MYO1F: variants seen among roughly 807,000 people sequenced by gnomAD.
MYO1F encodes myosin IF.
A neutral mutation model predicts 146.6 loss-of-function variants in MYO1F; 60 were observed. That is an observed-to-expected ratio of 0.41 (90% CI 0.33 to 0.51). MYO1F has a LOEUF of 0.51. Ranked by LOEUF, MYO1F falls within the 20% of genes least tolerant of loss-of-function variation. MYO1F has a pLI of 0.25. For missense variants in MYO1F, 1,274 were observed against 1,534.3 expected (o/e 0.83, Z 2.83); for synonymous variants, 602 against 602.1 (o/e 1.00, Z 0.00).
chr19:8,564,037 C>T (rs1352024354), intron 1 of MYO1F, among the ~76,000 whole-genome samples: 7 of 152,116 alleles, frequency 4.6e-5, no homozygotes, highest in African/African-American at 1.7e-4. Context: ...TGTCCATTGT[C>T]TGAGGTTAAT....
intron 13 of MYO1F, 100 bp downstream of exon 13, chr19:8,545,550 G>T: frequency 4.1e-6 from 4 of 965,564 alleles, no homozygotes; most frequent in Middle Eastern, 2.8e-4. Flanking sequence ...GTAGAGAAGG[G>T]CCTGAGGATG....
chr19:8,554,803 A>G, intron 2 of MYO1F, 60 bp from the exon 3 acceptor site: 1 of 1,472,240 alleles, frequency 6.8e-7, no homozygotes, highest in Admixed American at 1.7e-5. Context: ...CTGTCCCCTC[A>G]TCCTGCCCCC....
In MYO1F at chr19:8,530,195, C is replaced by T. The variant is rs757598543; in HGVS notation, c.2328+1G>A. 6.2e-7 allele frequency: 1 copy of T among 1,614,062 alleles called. No homozygotes were observed. Among genetic ancestry groups the T allele is most frequent in the Non-Finnish European group, 8.5e-7 (1 of 1,180,004 alleles). ...GCTGTGCCCACCCACTAGTGCCTCA[C>T]CTTGAAGCGGCGGTCGTACTTGGTG... On this transcript the variant is annotated splice_donor_variant, in intron 21 of 27. Coordinates refer to ENST00000644032, the MANE Select transcript of MYO1F (RefSeq NM_012335.4). LOFTEE classifies it high-confidence loss of function. The surrounding 1 kb of genome is among the most constrained non-coding windows in gnomAD (Gnocchi z 5.8).
intron 14 of MYO1F, 131 bp downstream of exon 14, chr19:8,544,166 G>A: frequency 1.0e-6 from 1 of 986,852 alleles, no homozygotes; most frequent in Non-Finnish European, 1.6e-6. Flanking sequence ...GGGGGACAGT[G>A]GAATTCTACA....
At chr19:8,549,911 C>A (rs562045489) in intron 10 of MYO1F, 31 of 582,780 alleles carry the variant, frequency 5.3e-5, no homozygotes, top group Non-Finnish European at 2.5e-5. Context: ...AATGATCCCC[C>A]AACCTCAGCC....
Position 8,553,890 on chromosome 19 carries a change from A to ACTCTCT in MYO1F, c.327-454_327-453insAGAGAG, listed in dbSNP as rs750034709. ...CTGTCACACACACACACACACACAC[A>ACTCTCT]CACACTCTCTCTCTCTCTCTCTCTC... On this transcript the variant is annotated intron_variant, in intron 4 of 27. Transcript: ENST00000644032. Among the ~76,000 whole-genome samples, 351 of 57,874 alleles carry ACTCTCT rather than the reference A, an allele frequency of 6.1e-3. 1 individual carries two copies. Among genetic ancestry groups the ACTCTCT allele is most frequent in the African/African-American group, 0.011 (214 of 19,478 alleles). 38.0% of individuals were successfully genotyped at this position (57,874 alleles called of 152,430 possible).
rs1422035117 is a variant in MYO1F at position 8,521,360 on chromosome 19, G to A, written c.*168C>T. On this transcript the variant is annotated 3_prime_UTR_variant, in exon 28 of 28. Transcript: ENST00000644032. ...CCAGGGCCCAGGGGCGGGGGCTGCA[G>A]CAGTGACCTGGTGACCCAGGGCCTG... 5.7e-6 allele frequency: 4 copies of A among 707,214 alleles called. No homozygotes were observed. Among genetic ancestry groups the A allele is most frequent in the South Asian group, 1.5e-5 (1 of 65,414 alleles). 43.8% of individuals were successfully genotyped at this position (707,214 alleles called of 1,614,324 possible).
Position 8,548,232 on chromosome 19 carries a change from C to T in MYO1F, c.1182+5G>A, listed in dbSNP as rs780824357. On this transcript the variant is annotated splice_donor_5th_base_variant and intron_variant, in intron 11 of 27. Coordinates refer to ENST00000644032, the MANE Select transcript of MYO1F (RefSeq NM_012335.4). ...AGGATGTGGGCTGGAGGCAGGGGGC[C>T]GTACCTGGAAGATCTCGAAGCCGTA... is the stretch of plus-strand genomic sequence containing the variant. 3.2e-5 allele frequency: 52 copies of T among 1,613,676 alleles called. 1 individual carries two copies. The highest frequency in any genetic ancestry group is 3.6e-5 in the Non-Finnish European group (43 of 1,179,950).
intron 1 of MYO1F, among the ~76,000 whole-genome samples, chr19:8,569,818 G>T (rs62119406): frequency 0.25 from 37,457 of 152,058 alleles, 5,273 homozygotes; most frequent in East Asian, 0.59. Flanking sequence ...GGAGGGTCAT[G>T]GTCCTGGAGG....
chr19:8,527,190 G>A, intron 22 of MYO1F, 148 bp downstream of exon 22: 6 of 1,138,370 alleles, frequency 5.3e-6, no homozygotes, highest in South Asian at 1.3e-5. Flanking sequence ...GAGCATAGGG[G>A]GCAGGTGAAC....
At chr19:8,566,521 T>C (rs563011851) in intron 1 of MYO1F, among the ~76,000 whole-genome samples, 1 of 149,738 alleles carries the variant, frequency 6.7e-6, no homozygotes, top group Non-Finnish European at 1.5e-5. Context: ...TTAATTAATT[T>C]ATTTATTTTT....
intron 12 of MYO1F, 40 bp downstream of exon 12, chr19:8,547,996 C>CCCCCCCCCAA: frequency 2.3e-5 from 25 of 1,100,012 alleles, no homozygotes; most frequent in Non-Finnish European, 2.9e-5. Flanking sequence ...ACCCCACCCC[C>CCCCCCCCCAA]ACCCCAGGAT....
chr19:8,553,914 T>TCTCTCTCTCTCTCG lies in MYO1F; in HGVS notation c.327-478_327-477insCGAGAGAGAGAGAG, dbSNP rs1178542513. 2.0e-3 allele frequency among the ~76,000 whole-genome samples: 266 copies of TCTCTCTCTCTCTCG among 135,714 alleles called. 2 individuals are homozygous for TCTCTCTCTCTCTCG. Among genetic ancestry groups the TCTCTCTCTCTCTCG allele is most frequent in the African/African-American group, 6.9e-3 (258 of 37,466 alleles). The allele number at this position is 135,714 out of a possible 152,430, so 89.0% of individuals were successfully genotyped here. A position where few individuals can be genotyped will look rare whatever the true frequency, so the allele number is the denominator to read the frequency against. On this transcript the variant is annotated intron_variant, in intron 4 of 27. Transcript: ENST00000644032. ...CACACACTCTCTCTCTCTCTCTCTC[T>TCTCTCTCTCTCTCG]CTCTCTCTCGCTCTCTTTCTCTCTC...
Position 8,532,940 on chromosome 19 carries a change from ACACACACAC to A in MYO1F, c.2044-2376_2044-2368del, listed in dbSNP as rs1568337767. 8.5e-4 allele frequency among the ~76,000 whole-genome samples: 129 copies of A among 151,002 alleles called. 1 individual carries two copies. Among genetic ancestry groups the A allele is most frequent in the African/African-American group, 3.0e-3 (123 of 41,026 alleles). ...CACACACACACACACACACACACAC[ACACACACAC>A]AATTGGGCTTTATTTAGAAAAATTA... On this transcript the variant is annotated intron_variant, in intron 19 of 27. Transcript: ENST00000644032.
intron 1 of MYO1F, among the ~76,000 whole-genome samples, chr19:8,575,436 G>A (rs558433823): frequency 1.3e-5 from 2 of 151,976 alleles, no homozygotes; most frequent in South Asian, 4.2e-4. Flanking sequence ...GTTCACAACA[G>A]GGTTTGCGAT....
chr19:8,530,369 C>T lies in MYO1F; in HGVS notation c.2159-4G>A, dbSNP rs766714703. ...TTGTTCAGCAGGATGTTGGAAGCTG[C>T]GGGGACAGAGGGTGGAGGGCAGAGC... On this transcript the variant is annotated splice_region_variant and splice_polypyrimidine_tract_variant and intron_variant, in intron 20 of 27. Transcript: ENST00000644032. The surrounding 1 kb of genome is among the most constrained non-coding windows in gnomAD (Gnocchi z 5.8). 3.7e-6 allele frequency: 6 copies of T among 1,613,960 alleles called. No individual in the cohort carries two copies. The highest frequency in any genetic ancestry group is 5.1e-6 in the Non-Finnish European group (6 of 1,180,030).
rs752222082 is a variant in MYO1F at position 8,560,665 on chromosome 19, C to T, written c.4-4869G>A. ...TCATGGCTCACTGCAGCCTTGACCT[C>T]CTGGGCTCAAGTGATCCTCCTGGTC... On this transcript the variant is annotated intron_variant, in intron 1 of 27. Coordinates refer to ENST00000644032, the MANE Select transcript of MYO1F (RefSeq NM_012335.4). Among the ~76,000 whole-genome samples, 12 of 151,922 alleles carry T rather than the reference C, an allele frequency of 7.9e-5. No homozygotes were observed. In the South Asian group the frequency reaches 8.3e-4, roughly 11 times the overall value.
chr19:8,523,024 A>C (rs1972123095), intron 25 of MYO1F, among the ~76,000 whole-genome samples, 195 bp from the exon 26 acceptor site: 1 of 137,000 alleles, frequency 7.3e-6, no homozygotes, highest in Non-Finnish European at 1.6e-5. Flanking sequence ...TAATTTTAAA[A>C]TTATTTTTTA....
intron 10 of MYO1F, among the ~76,000 whole-genome samples, chr19:8,549,196 C>G (rs1973500276): frequency 6.6e-6 from 1 of 151,756 alleles, no homozygotes; most frequent in Non-Finnish European, 1.5e-5. Context: ...GGGTGATCTG[C>G]CCGCTTTGAC....
Sources: allele counts gnomAD v4.1 joint callset (sites outside exome capture counted in the v4.1 genomes callset), GRCh38; gene constraint gnomAD v4.1.1; non-coding constraint Gnocchi (gnomAD v3.1); transcripts MANE v1.5; gene names NCBI Gene and HGNC (gene_info 2026-07-23, HGNC 2026-07-21).